The following GABRG2 variants were observed in gnomAD, a reference collection of about 807,000 sequenced individuals.
The protein encoded by GABRG2 is gamma-aminobutyric acid type A receptor subunit gamma2.
In GABRG2, 16 loss-of-function variants were observed where a neutral mutation model predicts 56.4. The observed-to-expected ratio is 0.28, with a 90% confidence interval of 0.19 to 0.43. GABRG2 has a LOEUF of 0.43. Among genes scored for constraint, GABRG2 ranks in the 20% least tolerant of loss-of-function variants. The pLI is 1.00. For missense variants in GABRG2, 327 were observed against 582.7 expected, an observed-to-expected ratio of 0.56 and a Z score of 4.52; for synonymous variants, 208 against 205.5, an observed-to-expected ratio of 1.01 and a Z score of -0.10.
Position 162,128,760 on chromosome 5 carries a change from A to G in GABRG2, c.770-13404A>G, listed in dbSNP as rs143682183. Among the ~76,000 whole-genome samples the G allele has an allele frequency of 2.8e-3, 424 of 152,050 alleles. 2 individuals are homozygous for G. Among genetic ancestry groups the G allele is most frequent in the African/African-American group, 9.6e-3 (397 of 41,516 alleles). Reference sequence around the variant, plus strand: ...AGAAGTTGGTATCTAAATGTGCATAATTCTGTGGTCATGGTTATCCTGTTA... The same window carrying G: ...AGAAGTTGGTATCTAAATGTGCATAGTTCTGTGGTCATGGTTATCCTGTTA... On this transcript the variant is annotated intron_variant, in intron 6 of 9. Transcript: ENST00000639213.
intron 6 of GABRG2, among the ~76,000 whole-genome samples, chr5:162,116,881 G>A (rs1195574028): frequency 6.6e-6 from 1 of 152,066 alleles, no homozygotes; most frequent in Non-Finnish European, 1.5e-5. Flanking sequence ...ACGTGAATGG[G>A]GAATAGAGTC....
intron 1 of GABRG2, among the ~76,000 whole-genome samples, chr5:162,080,206 T>C (rs1360585091): frequency 1.3e-5 from 2 of 152,186 alleles, no homozygotes; most frequent in African/African-American, 4.8e-5. Context: ...AAGCAGACAG[T>C]AAACAAACAA....
chr5:162,104,124 T>C, intron 6 of GABRG2, 98 bp downstream of exon 6: 1 of 1,097,604 alleles, frequency 9.1e-7, no homozygotes, highest in South Asian at 1.3e-5. Context: ...CAATGAATGA[T>C]AATCAGAAAA....
At chr5:162,095,388 A>G in intron 2 of GABRG2, 107 bp from the exon 3 acceptor site, 1 of 729,606 alleles carries the variant, frequency 1.4e-6, no homozygotes, top group Non-Finnish European at 2.4e-6. Flanking sequence ...AGTTGTGAAT[A>G]AATTACTTCT....
intron 6 of GABRG2, among the ~76,000 whole-genome samples, chr5:162,131,080 A>G (rs1763720988): frequency 6.6e-6 from 1 of 152,016 alleles, no homozygotes; most frequent in Admixed American, 6.6e-5. Context: ...AAGCAGTGGA[A>G]TCTTTTCTTT....
chr5:162,138,870 G>T lies in GABRG2; in HGVS notation c.770-3294G>T, dbSNP rs116018994. 6.1e-3 allele frequency among the ~76,000 whole-genome samples: 931 copies of T among 152,140 alleles called. 14 individuals are homozygous for T. The highest frequency in any genetic ancestry group is 0.021 in the African/African-American group (872 of 41,496). On this transcript the variant is annotated intron_variant, in intron 6 of 9. Coordinates refer to ENST00000639213, the MANE Select transcript of GABRG2 (RefSeq NM_198904.4). ...AAAATTATTTTCTATTATTTCAGGGGTTCAATAGAGGGAAAGACTTCTTTA... is the reference window on the plus strand; with the variant it reads ...AAAATTATTTTCTATTATTTCAGGGTTTCAATAGAGGGAAAGACTTCTTTA...
chr5:162,150,165 G>A (rs1765264171), intron 8 of GABRG2: 1 of 154,174 alleles, frequency 6.5e-6, no homozygotes. Flanking sequence ...CTCCTTGTGT[G>A]TTTTATATAT....
At chr5:162,140,761 T>C (rs1764500827) in intron 6 of GABRG2, among the ~76,000 whole-genome samples, 1 of 152,238 alleles carries the variant, frequency 6.6e-6, no homozygotes, top group South Asian at 2.1e-4. Flanking sequence ...TCTCTAAGAA[T>C]ATTTTAAAAA....
chr5:162,075,527 A>G (rs918565261), intron 1 of GABRG2, among the ~76,000 whole-genome samples: 1 of 152,068 alleles, frequency 6.6e-6, no homozygotes, highest in African/African-American at 2.4e-5. Context: ...TTGATTTTCT[A>G]TCTCTCTCAG....
chr5:162,111,746 G>A (rs1028283234), intron 6 of GABRG2, among the ~76,000 whole-genome samples: 24 of 152,126 alleles, frequency 1.6e-4, no homozygotes, highest in African/African-American at 5.5e-4. Context: ...ATATTCAATG[G>A]GTAGAGTTAT....
intron 1 of GABRG2, among the ~76,000 whole-genome samples, chr5:162,071,383 ATATACT>A (rs1266530819): frequency 6.6e-6 from 1 of 151,682 alleles, no homozygotes; most frequent in Non-Finnish European, 1.5e-5. Context: ...AGATTTTGTA[ATATACT>A]TAGAGTGACA....
At chr5:162,104,655 A>T (rs1761671045) in intron 6 of GABRG2, among the ~76,000 whole-genome samples, 1 of 152,178 alleles carries the variant, frequency 6.6e-6, no homozygotes, top group East Asian at 1.9e-4. Flanking sequence ...ATGAAATGAA[A>T]TGCTTAGAAT....
chr5:162,096,263 T>G (rs961884039), intron 3 of GABRG2, among the ~76,000 whole-genome samples: 1 of 152,048 alleles, frequency 6.6e-6, no homozygotes, highest in African/African-American at 2.4e-5. Flanking sequence ...ATTAAACAAA[T>G]TCTAACTTCT....
At chr5:162,138,785 TA>T (rs1764330440) in intron 6 of GABRG2, among the ~76,000 whole-genome samples, 1 of 152,164 alleles carries the variant, frequency 6.6e-6, no homozygotes, top group African/African-American at 2.4e-5. Flanking sequence ...TTACAGATAA[TA>T]TATGCAAACC....
intron 6 of GABRG2, among the ~76,000 whole-genome samples, chr5:162,115,342 G>A (rs1762542994): frequency 6.6e-6 from 1 of 152,100 alleles, no homozygotes; most frequent in Non-Finnish European, 1.5e-5. Context: ...GCAAACATAT[G>A]GTGGGTATTT....
At chr5:162,089,524 G>A (rs146604265) in intron 1 of GABRG2, among the ~76,000 whole-genome samples, 20 of 152,104 alleles carry the variant, frequency 1.3e-4, no homozygotes, top group East Asian at 9.7e-4. Context: ...TTATTTTGAC[G>A]TATAAAATAC....
At chr5:162,078,445 C>T (rs1183631999) in intron 1 of GABRG2, among the ~76,000 whole-genome samples, 1 of 112,882 alleles carries the variant, frequency 8.9e-6, no homozygotes, top group Non-Finnish European at 1.6e-5. Flanking sequence ...CTTGCTCTAT[C>T]GCCTGGGCTG....
At chr5:162,147,474 C>G (rs1765050374) in intron 7 of GABRG2, among the ~76,000 whole-genome samples, 1 of 152,160 alleles carries the variant, frequency 6.6e-6, no homozygotes, top group African/African-American at 2.4e-5. Context: ...AAGTGATTCT[C>G]CTGCCTCAGC....
intron 1 of GABRG2, among the ~76,000 whole-genome samples, chr5:162,074,914 C>T (rs996395331): frequency 6.6e-6 from 1 of 151,886 alleles, no homozygotes; most frequent in Non-Finnish European, 1.5e-5. Flanking sequence ...GCCTCTTAGT[C>T]TTTTTATGGT....
Sources: gnomAD v4.1 joint callset for allele counts (sites outside exome capture counted in the v4.1 genomes callset) on GRCh38, gnomAD v4.1.1 for gene constraint, MANE v1.5 for transcripts, NCBI Gene and HGNC (gene_info 2026-07-23, HGNC 2026-07-21) for gene names.